The following ANAPC5 variants were observed in gnomAD, a reference collection of about 807,000 sequenced individuals.
ANAPC5 encodes anaphase-promoting complex subunit 5.
Under a neutral mutation model 91.3 loss-of-function variants are expected in ANAPC5, and 60 were observed. The ratio of observed to expected loss-of-function variants is 0.66; its 90% CI spans 0.53 to 0.81. The LOEUF (loss-of-function observed/expected upper bound fraction) is 0.81. Among genes scored for constraint, ANAPC5 ranks in the 40% least tolerant of loss-of-function variants. The pLI, the probability that ANAPC5 is intolerant of heterozygous loss-of-function variation, is 0.00. For missense variants in ANAPC5, 690 were observed against 931.5 expected (o/e 0.74, Z 3.37); for synonymous variants, 340 against 364.1 (o/e 0.93, Z 0.75).
At chr12:121,327,396 T>G (rs2136781677) in intron 10 of ANAPC5, 165 bp from the exon 11 acceptor site, 1 of 791,702 alleles carries the variant, frequency 1.3e-6, no homozygotes, top group East Asian at 2.9e-5. Flanking sequence ...GCCCTCAGGA[T>G]AAGAAAGGCA....
Position 121,342,152 on chromosome 12 carries a change from G to T in ANAPC5, c.591-83C>A, listed in dbSNP as rs1476021534. The T allele has an allele frequency of 3.9e-5, 41 of 1,060,702 alleles. No homozygotes were observed. The highest frequency in any genetic ancestry group is 5.3e-5 in the Non-Finnish European group (39 of 735,330). The allele number at this position is 1,060,702 out of a possible 1,614,324, so 65.7% of individuals were successfully genotyped here. On this transcript the variant is annotated intron_variant, in intron 4 of 16. Coordinates refer to ENST00000261819, the MANE Select transcript of ANAPC5 (RefSeq NM_016237.5). The surrounding 1 kb of genome is among the most constrained non-coding windows in gnomAD (Gnocchi z 4.1). ...CATTTATAAAATCAGATGGATTCTT[G>T]TATCGAAAGAGTTCAAAAAATTTAA... is the stretch of plus-strand genomic sequence containing the variant.
At position 121,318,302 on chromosome 12, in the gene ANAPC5, G is replaced by A. The variant is rs1473128359; in HGVS notation, c.1868C>T (p.Thr623Ile). 1 of 1,566,514 alleles carries A rather than the reference G, an allele frequency of 6.4e-7. No individual in the cohort carries two copies. The highest frequency in any genetic ancestry group is 8.6e-7 in the Non-Finnish European group (1 of 1,159,596). ...CTGCGCAAAAGCCAAGTTCAGCACT[G>A]TTTCAGAGGCCAAGTACTGTAACCG... ...EYRLQYLASE[T>I]VLNLAFAQLI... The change falls in exon 15 of 17, where the codon ACA (threonine) becomes ATA (isoleucine). Residue 623 changes from threonine to isoleucine, a missense_variant. By Grantham distance (89) the Thr-to-Ile change is moderately conservative. This residue lies in a region of ANAPC5 where 317 missense variants were observed against 438.7 expected (regional missense o/e 0.72). Transcript: ENST00000261819.
At chr12:121,341,891 C>A in intron 5 of ANAPC5, 112 bp downstream of exon 5, 3 of 733,754 alleles carry the variant, frequency 4.1e-6, no homozygotes, top group Non-Finnish European at 6.5e-6. Flanking sequence ...CTGACACAGA[C>A]TGACCAACAA....
Position 121,311,239 on chromosome 12 carries a change from G to A in ANAPC5, c.1894-1376C>T, listed in dbSNP as rs969791583. Among the ~76,000 whole-genome samples the A allele has an allele frequency of 7.2e-5, 11 of 152,186 alleles. No individual in the cohort carries two copies. The South Asian group carries it at 8.3e-4, about 11-fold the overall frequency. On this transcript the variant is annotated intron_variant, in intron 15 of 16. Transcript: ENST00000261819. ...TGCAGCAATGCACTCCAGCCTGGAC[G>A]ACTGAGTGAGACCCTGTCTCTAAAA...
intron 6 of ANAPC5, among the ~76,000 whole-genome samples, chr12:121,336,158 T>C (rs1008916119): frequency 1.3e-5 from 2 of 152,224 alleles, no homozygotes; most frequent in East Asian, 3.8e-4. Flanking sequence ...TTTACTAAGT[T>C]AATTATTTTC....
intron 15 of ANAPC5, among the ~76,000 whole-genome samples, chr12:121,312,706 C>CA (rs34791908): frequency 0.33 from 16,841 of 51,442 alleles, 2,158 homozygotes; most frequent in East Asian, 0.48. Context: ...GACTCTGTCA[C>CA]AAAAAAAAAA....
upstream of ANAPC5, among the ~76,000 whole-genome samples, chr12:121,353,461 A>T (rs1350438581): frequency 1.8e-5 from 1 of 54,056 alleles, no homozygotes; most frequent in Non-Finnish European, 7.6e-5. Context: ...TTTTGTTTTG[A>T]GACGGAGTCT....
chr12:121,321,850 T>C (rs1325738351), intron 11 of ANAPC5, among the ~76,000 whole-genome samples: 1 of 150,668 alleles, frequency 6.6e-6, no homozygotes, highest in Non-Finnish European at 1.5e-5. Flanking sequence ...CAAATTACTT[T>C]TGGGTTTTGC....
At chr12:121,335,503 T>C in intron 7 of ANAPC5, 30 bp downstream of exon 7, 1 of 1,553,906 alleles carries the variant, frequency 6.4e-7, no homozygotes, top group East Asian at 2.3e-5. Context: ...TTCCTTCAAT[T>C]TGCGCAAGGA....
At chr12:121,348,393 A>T (rs1903753606) in intron 1 of ANAPC5, among the ~76,000 whole-genome samples, 1 of 152,234 alleles carries the variant, frequency 6.6e-6, no homozygotes, top group South Asian at 2.1e-4. Context: ...GGCCGGGCAC[A>T]GTGGCTCATG....
At chr12:121,352,642 G>A (rs1903949967), upstream of ANAPC5, among the ~76,000 whole-genome samples, 1 of 146,404 alleles carries the variant, frequency 6.8e-6, no homozygotes, top group African/African-American at 2.5e-5. Flanking sequence ...GATGGGAGGG[G>A]AAGTCGATGC....
At chr12:121,331,730 G>A (rs1903049529) in intron 7 of ANAPC5, 1 of 199,768 alleles carries the variant, frequency 5.0e-6, no homozygotes, top group Non-Finnish European at 1.0e-5. Flanking sequence ...GGAAGGGCAA[G>A]GAGAGGATAT....
intron 10 of ANAPC5, 158 bp from the exon 11 acceptor site, chr12:121,327,389 C>T (rs782165073): frequency 1.2e-4 from 102 of 853,508 alleles, no homozygotes; most frequent in Non-Finnish European, 1.5e-4. Flanking sequence ...CAACCTTGCC[C>T]TCAGGATAAG....
intron 4 of ANAPC5, among the ~76,000 whole-genome samples, chr12:121,343,747 T>C (rs1903550166): frequency 2.0e-5 from 3 of 152,228 alleles, no homozygotes; most frequent in South Asian, 2.1e-4. Context: ...CCCTGGGGAT[T>C]ACAGTAGCCT....
upstream of ANAPC5, chr12:121,352,463 G>A (rs1903943941): frequency 1.3e-6 from 1 of 787,658 alleles, no homozygotes; most frequent in African/African-American, 1.7e-5. Context: ...AGACATCCGC[G>A]TGCTCGCGGC....
rs1411264592 is a variant in ANAPC5, at chr12:121,319,827, A to G, written c.1516-9T>C. 3 of 1,575,692 alleles carry G rather than the reference A, an allele frequency of 1.9e-6. No homozygotes were observed. Among genetic ancestry groups the G allele is most frequent in the Non-Finnish European group, 2.6e-6 (3 of 1,162,594 alleles). ...TCACATAGCATCCATAACTAGTAAG[A>G]AAAAAAAACACAATTAAGTACAAAA... On this transcript the variant is annotated splice_polypyrimidine_tract_variant and intron_variant, in intron 12 of 16. Transcript: ENST00000261819.
chr12:121,319,481 G>A (rs771534246), intron 13 of ANAPC5, among the ~76,000 whole-genome samples: 7 of 151,960 alleles, frequency 4.6e-5, no homozygotes, highest in East Asian at 1.9e-4. Flanking sequence ...TGATGCGCCC[G>A]CCTCAGCCTC....
In ANAPC5 at chr12:121,352,124, C is replaced by G. The variant is rs1799525; in HGVS notation, c.207+10G>C. ...TGCTGCACGAGCAGGAGCCAGCGGG[C>G]GCCTCTCACCTGCAGCAGGGGCAGG... On this transcript the variant is annotated intron_variant, in intron 1 of 16. Transcript: ENST00000261819. 1 of 1,594,274 alleles carries G rather than the reference C, an allele frequency of 6.3e-7. No individual in the cohort carries two copies. Among genetic ancestry groups the G allele is most frequent in the East Asian group, 2.3e-5 (1 of 44,370 alleles).
intron 5 of ANAPC5, among the ~76,000 whole-genome samples, chr12:121,340,867 C>T (rs559978894): frequency 2.6e-5 from 4 of 151,930 alleles, no homozygotes; most frequent in Admixed American, 6.6e-5. Context: ...GCCTCCATCA[C>T]TTTTGTCTAG....
Sources: allele counts gnomAD v4.1 joint callset (sites outside exome capture counted in the v4.1 genomes callset), GRCh38; gene constraint gnomAD v4.1.1; regional missense constraint gnomAD v4.1.1; non-coding constraint Gnocchi (gnomAD v3.1); transcripts MANE v1.5; gene names NCBI Gene and HGNC (gene_info 2026-07-23, HGNC 2026-07-21).